The following ANXA4 variants were observed in gnomAD, a reference collection of about 807,000 sequenced individuals.
The protein encoded by ANXA4 is 35-beta calcimedin.
In ANXA4, 39 loss-of-function variants were observed where a neutral mutation model predicts 49.8. The ratio of observed to expected loss-of-function variants is 0.78; its 90% CI spans 0.61 to 1.02. The LOEUF (loss-of-function observed/expected upper bound fraction) is 1.02. ANXA4 is among the 50% of genes least tolerant of loss of function. The probability of loss-of-function intolerance (pLI) is 0.00; values close to 1 mark genes in which losing one functional copy is unlikely to be tolerated. For synonymous variants in ANXA4, 134 were observed against 152.5 expected (o/e 0.88, Z 0.89); for missense variants, 360 against 410.1 (o/e 0.88, Z 1.05).
At chr2:69,727,365 C>G (rs1669988177) in intron 3 of ANXA4, among the ~76,000 whole-genome samples, 1 of 152,188 alleles carries the variant, frequency 6.6e-6, no homozygotes, top group Non-Finnish European at 1.5e-5. Context: ...ATTTACATCC[C>G]CACCAGCAGT....
intron 2 of ANXA4, among the ~76,000 whole-genome samples, chr2:69,680,402 G>T (rs1677554302): frequency 6.6e-6 from 1 of 152,076 alleles, no homozygotes; most frequent in African/African-American, 2.4e-5. Flanking sequence ...AAGTTTTTGG[G>T]TGCACCCTTT....
chr2:69,788,215 C>A, intron 3 of ANXA4, 74 bp downstream of exon 3: 1 of 1,373,536 alleles, frequency 7.3e-7, no homozygotes, highest in Non-Finnish European at 1.0e-6. Flanking sequence ...GGTGCCATGT[C>A]TGCTGGCCAT....
At chr2:69,801,004 T>C (rs1477873155) in intron 3 of ANXA4, among the ~76,000 whole-genome samples, 1 of 152,134 alleles carries the variant, frequency 6.6e-6, no homozygotes, top group African/African-American at 2.4e-5. Flanking sequence ...GTTGGGGGGC[T>C]GATGTCTGAT....
Position 69,651,800 on chromosome 2 carries a change from C to CTTTT in ANXA4, n.482-1184_482-1181dup, listed in dbSNP as rs78927191. 2.4e-3 allele frequency among the ~76,000 whole-genome samples: 138 copies of CTTTT among 56,668 alleles called. 3 individuals are homozygous for CTTTT. The highest frequency in any genetic ancestry group is 0.012 in the East Asian group (20 of 1,674). 37.2% of individuals were successfully genotyped at this position (56,668 alleles called of 152,430 possible). A position where few individuals can be genotyped will look rare whatever the true frequency, so the allele number is the denominator to read the frequency against. On this transcript the variant is annotated intron_variant and non_coding_transcript_variant, in intron 1 of 3. Transcript: ENST00000418066. The stretch of plus-strand genomic sequence containing the variant: ...TACAGGCGTGAGCCACCGCGCCCGG[C>CTTTT]TTTTTTTTTTTTTTTTTGGGGGGGG...
At chr2:69,731,976 C>CTTTTTTTTTTT (rs1349540007) in intron 3 of ANXA4, among the ~76,000 whole-genome samples, 3 of 107,010 alleles carry the variant, frequency 2.8e-5, no homozygotes, top group African/African-American at 4.0e-5. Context: ...ATTTTCTTTT[C>CTTTTTTTTTTT]TTTCTTTTTT....
intron 1 of ANXA4, among the ~76,000 whole-genome samples, chr2:69,777,718 T>C (rs1178663900): frequency 1.3e-5 from 2 of 152,224 alleles, no homozygotes; most frequent in African/African-American, 4.8e-5. Flanking sequence ...CTGCTCCAGC[T>C]ACCTGAAAGA....
chr2:69,802,640 G>A (rs973640945), intron 3 of ANXA4, among the ~76,000 whole-genome samples: 1 of 151,620 alleles, frequency 6.6e-6, no homozygotes, highest in Non-Finnish European at 1.5e-5. Context: ...GAACCCGGGA[G>A]GCAGAGGTTG....
chr2:69,819,130 G>A (rs3732268), intron 10 of ANXA4, 150 bp from the exon 11 acceptor site: 122,814 of 575,808 alleles, frequency 0.21, 14,230 homozygotes, highest in Middle Eastern at 0.25. Flanking sequence ...ATAGAGCATC[G>A]CCTATGTTCA....
At chr2:69,739,780 TA>T (rs1670338511), upstream of ANXA4, among the ~76,000 whole-genome samples, 1 of 152,130 alleles carries the variant, frequency 6.6e-6, no homozygotes, top group Non-Finnish European at 1.5e-5. Context: ...ATTAATTTTT[TA>T]AATACTCTTA....
intron 3 of ANXA4, among the ~76,000 whole-genome samples, chr2:69,789,377 C>T (rs761514472): frequency 6.6e-6 from 1 of 152,060 alleles, no homozygotes; most frequent in Admixed American, 6.6e-5. Flanking sequence ...GCCTTGAGTC[C>T]GTCTGCTTGT....
chr2:69,704,701 C>T (rs1678435374), intron 2 of ANXA4, among the ~76,000 whole-genome samples: 1 of 152,152 alleles, frequency 6.6e-6, no homozygotes, highest in Non-Finnish European at 1.5e-5. Context: ...CAAGTTTCTG[C>T]TTGCATCATG....
chr2:69,703,425 A>T (rs1241652244), intron 2 of ANXA4, among the ~76,000 whole-genome samples: 1 of 151,988 alleles, frequency 6.6e-6, no homozygotes. Context: ...TCCCATTTTC[A>T]TGTCCCCACG....
intron 2 of ANXA4, among the ~76,000 whole-genome samples, chr2:69,654,806 A>G (rs1676375517): frequency 6.6e-6 from 1 of 152,252 alleles, no homozygotes; most frequent in Admixed American, 6.5e-5. Context: ...CCAAAACAGC[A>G]TAGTACTGGT....
chr2:69,788,119 G>C lies in ANXA4; in HGVS notation c.75G>C (p.Leu25=), dbSNP rs368317281. The C allele has an allele frequency of 6.2e-7, 1 of 1,614,078 alleles. No individual in the cohort carries two copies. Among genetic ancestry groups the C allele is most frequent in the South Asian group, 1.1e-5 (1 of 91,088 alleles). Residue 25 remains leucine (L), a synonymous_variant, in exon 3 of 13, where the codon CTG becomes CTC. Transcript: ENST00000394295. ...GFNAMEDAQT[L]RKAMKGLGTD... ...ATGCCATGGAAGATGCCCAGACCCT[G>C]AGGAAGGCCATGAAAGGGCTCGGTA...
intron 1 of ANXA4, among the ~76,000 whole-genome samples, chr2:69,779,372 C>G (rs1473897964): frequency 6.6e-6 from 1 of 152,164 alleles, no homozygotes. Flanking sequence ...TTATCTCTAT[C>G]AGTGCCTGGA....
intron 2 of ANXA4, among the ~76,000 whole-genome samples, chr2:69,785,198 G>A (rs754455825): frequency 7.2e-5 from 11 of 152,294 alleles, no homozygotes; most frequent in African/African-American, 1.4e-4. Context: ...GAGAAGGCCC[G>A]TGCCCTGGGT....
chr2:69,750,259 G>A (rs904844465), intron 1 of ANXA4, among the ~76,000 whole-genome samples: 1 of 152,172 alleles, frequency 6.6e-6, no homozygotes, highest in Non-Finnish European at 1.5e-5. Flanking sequence ...CCTTATATGT[G>A]TACAAAGGAC....
In ANXA4 at chr2:69,708,488, G is replaced by A. The variant is rs143025220; in HGVS notation, n.767-12286G>A. Among the ~76,000 whole-genome samples, 1,517 of 152,088 alleles carry A rather than the reference G, an allele frequency of 1.0e-2. 31 individuals carry two copies. The highest frequency in any genetic ancestry group is 0.035 in the African/African-American group (1,455 of 41,466). ...CATCCGCCTGTGATCCCGGCTACTC[G>A]GGAGGCTGAGGTGGGAGGATCACTT... is the stretch of plus-strand genomic sequence containing the variant. On this transcript the variant is annotated intron_variant and non_coding_transcript_variant, in intron 2 of 3. Transcript: ENST00000418066.
chr2:69,779,393 G>A (rs1269692225), intron 1 of ANXA4, among the ~76,000 whole-genome samples: 1 of 152,152 alleles, frequency 6.6e-6, no homozygotes, highest in African/African-American at 2.4e-5. Flanking sequence ...GAGGTGCTGT[G>A]AGAGGTCATG....
Sources: allele counts gnomAD v4.1 joint callset (sites outside exome capture counted in the v4.1 genomes callset), GRCh38; gene constraint gnomAD v4.1.1; transcripts MANE v1.5; gene names NCBI Gene and HGNC (gene_info 2026-07-23, HGNC 2026-07-21).